Variants in PIP5K1C observed in about 807,000 individuals in gnomAD.
PIP5K1C encodes the protein phosphatidylinositol 4-phosphate 5-kinase type-1 gamma.
Under a neutral mutation model 80.1 loss-of-function variants are expected in PIP5K1C, and 45 were observed. That is an observed-to-expected ratio of 0.56 (90% CI 0.44 to 0.72). The LOEUF (loss-of-function observed/expected upper bound fraction) is 0.72, where lower values mean the gene tolerates loss of function less well. Among genes scored for constraint, PIP5K1C ranks in the 30% least tolerant of loss-of-function variants. The pLI is 0.00. For synonymous variants in PIP5K1C, 498 were observed against 420.1 expected, an observed-to-expected ratio of 1.19 and a Z score of -2.27; for missense variants, 753 against 954.6, an observed-to-expected ratio of 0.79 and a Z score of 2.78.
intron 8 of PIP5K1C, among the ~76,000 whole-genome samples, chr19:3,649,048 T>C (rs7408163): frequency 0.072 from 9,177 of 127,630 alleles, 555 homozygotes; most frequent in East Asian, 0.18. Context: ...GGGGAGTTAA[T>C]TGTCACCCGG....
intron 15 of PIP5K1C, among the ~76,000 whole-genome samples, 176 bp downstream of exon 15, chr19:3,641,529 C>A (rs948353044): frequency 6.6e-6 from 1 of 152,192 alleles, no homozygotes; most frequent in African/African-American, 2.4e-5. Flanking sequence ...TAGGATCACC[C>A]CGGCTAGTCG....
At chr19:3,656,764 G>A (rs771574024) in intron 5 of PIP5K1C, among the ~76,000 whole-genome samples, 29 of 152,214 alleles carry the variant, frequency 1.9e-4, no homozygotes, top group Admixed American at 1.0e-3. Flanking sequence ...TCTGCAGCCC[G>A]AGGGCTGGTC....
At chr19:3,678,256 G>GGGGTGGAGGAATGGAGAATGGAC (rs1340538644) in intron 1 of PIP5K1C, among the ~76,000 whole-genome samples, 1 of 132,388 alleles carries the variant, frequency 7.6e-6, no homozygotes, top group Non-Finnish European at 1.6e-5. Flanking sequence ...GGAGAATGGA[G>GGGGTGGAGGAATGGAGAATGGAC]GGGTGGAGGA....
At chr19:3,673,218 G>A (rs920038427) in intron 1 of PIP5K1C, among the ~76,000 whole-genome samples, 13 of 152,028 alleles carry the variant, frequency 8.6e-5, no homozygotes, top group Non-Finnish European at 1.5e-4. Context: ...GCCTTTGCAC[G>A]AGCGGTGCCT....
At chr19:3,643,972 T>TC in intron 12 of PIP5K1C, 115 bp downstream of exon 12, 1 of 1,277,284 alleles carries the variant, frequency 7.8e-7, no homozygotes, top group Non-Finnish European at 1.1e-6. Flanking sequence ...GCCCTGCAGA[T>TC]CCGGAGGGGG....
At chr19:3,658,235 A>T (rs953891015) in intron 5 of PIP5K1C, among the ~76,000 whole-genome samples, 3 of 152,224 alleles carry the variant, frequency 2.0e-5, no homozygotes. Context: ...AGTCAGCAAC[A>T]GCCCTGCCAA....
Position 3,685,772 on chromosome 19 carries a change from G to A in PIP5K1C, c.94+14525C>T, listed in dbSNP as rs890155326. Among the ~76,000 whole-genome samples the A allele has an allele frequency of 2.6e-5, 4 of 152,040 alleles. No homozygotes were observed. The South Asian group carries it at 8.3e-4, about 31-fold the overall frequency. On this transcript the variant is annotated intron_variant, in intron 1 of 17. Coordinates refer to ENST00000335312, the MANE Select transcript of PIP5K1C (RefSeq NM_012398.3). Reference sequence around the variant, plus strand: ...TTTATTGGAACATGGCCACACCCATGTGTTCACGAATTGTCTGGCTCCTTA... The same window carrying A: ...TTTATTGGAACATGGCCACACCCATATGTTCACGAATTGTCTGGCTCCTTA...
rs574968551 is a variant in PIP5K1C, at chr19:3,656,275, G to A, written c.621+130C>T. ...GGGGGACCCCCGAGGGTGAGTCCCC[G>A]GGACCCAAGATGCCTCTCACCACGC... On this transcript the variant is annotated intron_variant, in intron 6 of 17. Transcript: ENST00000335312. 255 of 997,792 alleles carry A rather than the reference G, an allele frequency of 2.6e-4. 1 individual carries two copies. The highest frequency in any genetic ancestry group is 2.3e-3 in the East Asian group (90 of 39,074). The allele number at this position is 997,792 out of a possible 1,614,324, so 61.8% of individuals were successfully genotyped here. A position where few individuals can be genotyped will look rare whatever the true frequency, so the allele number is the denominator to read the frequency against.
chr19:3,699,678 G>A (rs7246237), intron 1 of PIP5K1C, among the ~76,000 whole-genome samples: 3,818 of 152,284 alleles, frequency 0.025, 169 homozygotes, highest in African/African-American at 0.089. Context: ...GGAGGTCCAG[G>A]AAGCAGCTAA....
intron 9 of PIP5K1C, 43 bp from the exon 10 acceptor site, chr19:3,647,429 C>A: frequency 6.5e-7 from 1 of 1,541,588 alleles, no homozygotes; most frequent in Non-Finnish European, 8.8e-7. Flanking sequence ...ATCAGCCAAG[C>A]CCATGCCAGG....
intron 7 of PIP5K1C, 119 bp downstream of exon 7, chr19:3,653,171 G>C: frequency 1.2e-6 from 1 of 851,358 alleles, no homozygotes; most frequent in East Asian, 2.6e-5. Context: ...GCCTGCTGTA[G>C]GCTGCAGGGC....
rs569613620 is a variant in PIP5K1C, at chr19:3,659,248, T to G, written c.468+1718A>C. Among the ~76,000 whole-genome samples the G allele has an allele frequency of 8.5e-5, 13 of 152,334 alleles. No homozygotes were observed. In the South Asian group the frequency reaches 2.7e-3, roughly 32 times the overall value. On this transcript the variant is annotated intron_variant, in intron 5 of 17. Coordinates refer to ENST00000335312, the MANE Select transcript of PIP5K1C (RefSeq NM_012398.3). ...ACACGGCCACACTCACACCACAGCC[T>G]GGACAGAGGCTAGGGGGCTGCCGCC...
chr19:3,642,679 G>A (rs1339680977), intron 14 of PIP5K1C, among the ~76,000 whole-genome samples: 4 of 152,108 alleles, frequency 2.6e-5, no homozygotes, highest in South Asian at 2.1e-4. Flanking sequence ...CTTAATAGAA[G>A]AAGAAATAAG....
Position 3,696,727 on chromosome 19 carries a change from A to G in PIP5K1C, c.94+3570T>C, listed in dbSNP as rs1212282734. Among the ~76,000 whole-genome samples, 14 of 18,758 alleles carry G rather than the reference A, an allele frequency of 7.5e-4. No homozygotes were observed. The South Asian group carries it at 0.021, about 28-fold the overall frequency. The allele number at this position is 18,758 out of a possible 152,430, so 12.3% of individuals were successfully genotyped here. A position where few individuals can be genotyped will look rare whatever the true frequency, so the allele number is the denominator to read the frequency against. On this transcript the variant is annotated intron_variant, in intron 1 of 17. Coordinates refer to ENST00000335312, the MANE Select transcript of PIP5K1C (RefSeq NM_012398.3). This position sits in a 1 kb window ranked among gnomAD's most constrained non-coding sequence, Gnocchi z 4.1. Reference sequence around the variant, plus strand: ...GCAGACGGGAGGGCAGGGAGGGCAGAGTGCGGAGGGGAGGGCAGGGAGGGC... The same window carrying G: ...GCAGACGGGAGGGCAGGGAGGGCAGGGTGCGGAGGGGAGGGCAGGGAGGGC...
At chr19:3,646,109 C>T (rs1228592086) in intron 10 of PIP5K1C, 51 bp from the exon 11 acceptor site, 2 of 1,102,126 alleles carry the variant, frequency 1.8e-6, no homozygotes, top group Admixed American at 3.4e-5. Context: ...CATCAATCAA[C>T]AGCTGGGGAC....
chr19:3,681,433 T>C (rs1357385634), intron 1 of PIP5K1C, among the ~76,000 whole-genome samples: 4 of 152,120 alleles, frequency 2.6e-5, no homozygotes, highest in East Asian at 3.9e-4. Context: ...AATTTTGCCA[T>C]GTTGGCCAGG....
rs1415825893 is a variant in PIP5K1C at position 3,637,869 on chromosome 19, A to G, written c.1920+1015T>C. On this transcript the variant is annotated intron_variant, in intron 16 of 17. Coordinates refer to ENST00000335312, the MANE Select transcript of PIP5K1C (RefSeq NM_012398.3). The surrounding 1 kb of genome is among the most constrained non-coding windows in gnomAD (Gnocchi z 7.0). ...ACGACATGGCCCCCAGGCCCCCCGT[A>G]CCATCCGGAGACCAGGACGCGCACA... 7 of 1,535,242 alleles carry G rather than the reference A, an allele frequency of 4.6e-6. No homozygotes were observed. The highest frequency in any genetic ancestry group is 6.1e-6 in the Non-Finnish European group (7 of 1,146,688).
chr19:3,656,271 C>A (rs750936406), intron 6 of PIP5K1C, 134 bp downstream of exon 6: 108 of 943,980 alleles, frequency 1.1e-4, no homozygotes, highest in Non-Finnish European at 1.7e-4. Flanking sequence ...GAGGGTGAGT[C>A]CCCGGGACCC....
At position 3,637,459 on chromosome 19, in the gene PIP5K1C, G is replaced by A. The variant is rs1046458247; in HGVS notation, c.1920+1425C>T. 1.2e-5 allele frequency: 18 copies of A among 1,535,712 alleles called. No homozygotes were observed. The highest frequency in any genetic ancestry group is 9.8e-5 in the Admixed American group (5 of 51,000). On this transcript the variant is annotated intron_variant, in intron 16 of 17. Transcript: ENST00000335312. This position sits in a 1 kb window ranked among gnomAD's most constrained non-coding sequence, Gnocchi z 7.0. ...AACTGACGTCAGACACTGAGCTTCC[G>A]GCCGGGGACCTGCGGCTCCCTGCTG...
Sources: gnomAD v4.1 joint callset for allele counts (sites outside exome capture counted in the v4.1 genomes callset) on GRCh38, gnomAD v4.1.1 for gene constraint, Gnocchi (gnomAD v3.1) non-coding constraint, MANE v1.5 for transcripts, NCBI Gene and HGNC (gene_info 2026-07-23, HGNC 2026-07-21) for gene names.